LUZP2: variants seen among roughly 807,000 people sequenced by gnomAD.
LUZP2 encodes the protein leucine zipper protein 2.
Under a neutral mutation model 51.6 loss-of-function variants are expected in LUZP2, and 52 were observed. The ratio of observed to expected loss-of-function variants is 1.01; its 90% confidence interval spans 0.81 to 1.27. The LOEUF is 1.27. Ranked by LOEUF, LUZP2 falls within the 50% of genes most tolerant of loss-of-function variation. The pLI, the probability that LUZP2 is intolerant of heterozygous loss-of-function variation, is 0.00. For synonymous variants in LUZP2, 154 were observed against 137.3 expected (o/e 1.12, Z -0.85); for missense variants, 436 against 395.4 (o/e 1.10, Z -0.87).
At chr11:24,964,652 T>C (rs1476734515) in intron 7 of LUZP2, among the ~76,000 whole-genome samples, 1 of 152,116 alleles carries the variant, frequency 6.6e-6, no homozygotes, top group Non-Finnish European at 1.5e-5. Flanking sequence ...CTATTCCTCC[T>C]AGCAATTACT....
chr11:24,816,981 AC>A (rs1423272024), intron 5 of LUZP2, among the ~76,000 whole-genome samples: 1 of 152,044 alleles, frequency 6.6e-6, no homozygotes, highest in Non-Finnish European at 1.5e-5. Context: ...ATAACCCATT[AC>A]CCTCAGGGAT....
chr11:24,759,435 T>G (rs1859900105), intron 4 of LUZP2, among the ~76,000 whole-genome samples: 1 of 152,176 alleles, frequency 6.6e-6, no homozygotes. Flanking sequence ...GTTCAAAATA[T>G]ATTTTATGTC....
At chr11:24,639,642 G>T (rs1469121620) in intron 1 of LUZP2, among the ~76,000 whole-genome samples, 1 of 151,656 alleles carries the variant, frequency 6.6e-6, no homozygotes, top group African/African-American at 2.4e-5. Flanking sequence ...GTAGAGACAG[G>T]GTTTCACCAC....
chr11:24,808,260 G>A (rs980044023), intron 5 of LUZP2, among the ~76,000 whole-genome samples: 12 of 152,118 alleles, frequency 7.9e-5, no homozygotes, highest in African/African-American at 2.6e-4. Context: ...GAATATTTTG[G>A]GTTTTAGACA....
At chr11:24,680,709 C>A (rs1856704675) in intron 1 of LUZP2, among the ~76,000 whole-genome samples, 1 of 152,140 alleles carries the variant, frequency 6.6e-6, no homozygotes, top group African/African-American at 2.4e-5. Flanking sequence ...CCAGAAAATT[C>A]ATACACCTGA....
At chr11:25,071,147 T>C (rs1859146250) in intron 10 of LUZP2, among the ~76,000 whole-genome samples, 2 of 151,992 alleles carry the variant, frequency 1.3e-5, no homozygotes, top group African/African-American at 4.8e-5. Flanking sequence ...TTATGAAACA[T>C]ACCTATTTGT....
intron 5 of LUZP2, chr11:24,892,995 AT>A (rs1358454368): frequency 6.6e-6 from 1 of 152,190 alleles, no homozygotes; most frequent in African/African-American, 2.4e-5. Context: ...TTTGTCACAT[AT>A]TTATAATTGT....
chr11:24,660,271 A>G (rs554347582), intron 1 of LUZP2, among the ~76,000 whole-genome samples: 1 of 152,306 alleles, frequency 6.6e-6, no homozygotes, highest in East Asian at 1.9e-4. Flanking sequence ...ATAAGTTTGT[A>G]GTAAATGTGT....
At chr11:24,845,312 A>G (rs115061383) in intron 5 of LUZP2, among the ~76,000 whole-genome samples, 5,669 of 152,222 alleles carry the variant, frequency 0.037, 361 homozygotes, top group African/African-American at 0.13. Context: ...TTTGCATGAG[A>G]CTTATATAGC....
intron 1 of LUZP2, among the ~76,000 whole-genome samples, chr11:24,708,326 ATC>A (rs1857681380): frequency 6.6e-6 from 1 of 152,198 alleles, no homozygotes; most frequent in Non-Finnish European, 1.5e-5. Flanking sequence ...CTATCTGGGC[ATC>A]TCTTAGCCCA....
intron 1 of LUZP2, among the ~76,000 whole-genome samples, chr11:24,692,175 C>T (rs1421168291): frequency 6.6e-6 from 1 of 151,720 alleles, no homozygotes; most frequent in East Asian, 1.9e-4. Context: ...AATTCTAAAG[C>T]AATCTAATAT....
At chr11:24,807,477 A>AG (rs1849890661) in intron 5 of LUZP2, among the ~76,000 whole-genome samples, 1 of 151,386 alleles carries the variant, frequency 6.6e-6, no homozygotes, top group Non-Finnish European at 1.5e-5. Context: ...AAAAAAAAAA[A>AG]AAGTCAGGTT....
intron 5 of LUZP2, among the ~76,000 whole-genome samples, chr11:24,811,205 C>T (rs978347535): frequency 2.6e-5 from 4 of 152,100 alleles, no homozygotes; most frequent in Non-Finnish European, 5.9e-5. Context: ...AGGCTAGCCA[C>T]CAAATTTAGA....
chr11:24,786,977 C>A (rs1010183383), intron 5 of LUZP2, among the ~76,000 whole-genome samples: 1 of 151,990 alleles, frequency 6.6e-6, no homozygotes, highest in Non-Finnish European at 1.5e-5. Flanking sequence ...ACTTTTCTTG[C>A]CCAATTCAGG....
intron 9 of LUZP2, among the ~76,000 whole-genome samples, chr11:25,045,113 C>T (rs1175790816): frequency 3.4e-5 from 5 of 149,108 alleles, no homozygotes; most frequent in Admixed American, 2.0e-4. Context: ...TGCTAAATGA[C>T]GAGTTAATGG....
At chr11:25,014,517 T>C (rs1035551977) in intron 9 of LUZP2, among the ~76,000 whole-genome samples, 2 of 152,232 alleles carry the variant, frequency 1.3e-5, no homozygotes, top group African/African-American at 4.8e-5. Flanking sequence ...TGAGCATTTT[T>C]TCATGTGTCT....
intron 5 of LUZP2, among the ~76,000 whole-genome samples, chr11:24,867,682 G>C (rs1048396120): frequency 4.0e-4 from 61 of 152,024 alleles, no homozygotes; most frequent in African/African-American, 1.5e-3. Context: ...CAAGGAACTT[G>C]GGACAAGTTC....
intron 1 of LUZP2, among the ~76,000 whole-genome samples, chr11:24,605,945 G>A (rs966266939): frequency 2.4e-4 from 36 of 151,674 alleles, no homozygotes; most frequent in African/African-American, 8.0e-4. Flanking sequence ...ATTAATTGAG[G>A]TCATGCTGTA....
At chr11:24,714,566 A>G (rs963804119) in intron 1 of LUZP2, among the ~76,000 whole-genome samples, 12 of 152,132 alleles carry the variant, frequency 7.9e-5, no homozygotes, top group African/African-American at 2.9e-4. Flanking sequence ...CAGAAAAATG[A>G]TAGTAAAAAT....
Sources: gnomAD v4.1 joint callset for allele counts (sites outside exome capture counted in the v4.1 genomes callset) on GRCh38, gnomAD v4.1.1 for gene constraint, MANE v1.5 for transcripts, NCBI Gene and HGNC (gene_info 2026-07-23, HGNC 2026-07-21) for gene names.